The following SYNE2 variants were observed in gnomAD, a reference collection of about 807,000 sequenced individuals.
SYNE2 encodes spectrin repeat containing nuclear envelope protein 2.
Under a neutral mutation model 856.3 loss-of-function variants are expected in SYNE2, and 431 were observed. That is an observed-to-expected ratio of 0.50 (90% confidence interval 0.47 to 0.55). SYNE2 has a LOEUF of 0.55. SYNE2 is among the 20% of genes least tolerant of loss of function. SYNE2 has a pLI of 0.00. For synonymous variants in SYNE2, 2,923 were observed against 2,872.3 expected, an observed-to-expected ratio of 1.02 and a Z score of -0.56; for missense variants, 8,129 against 8,023.2, an observed-to-expected ratio of 1.01 and a Z score of -0.50.
chr14:63,860,779 C>T (rs1303933428), intron 1 of SYNE2, among the ~76,000 whole-genome samples: 1 of 152,140 alleles, frequency 6.6e-6, no homozygotes, highest in Non-Finnish European at 1.5e-5. Context: ...GGCTCTGACA[C>T]ACAGGTAAAA....
intron 35 of SYNE2, among the ~76,000 whole-genome samples, chr14:64,020,727 A>C (rs1403834400): frequency 1.3e-5 from 2 of 152,208 alleles, no homozygotes; most frequent in African/African-American, 2.4e-5. Context: ...ATGGAGAAAG[A>C]GAGAGATTGC....
At chr14:63,863,576 T>C (rs1894325842) in intron 1 of SYNE2, among the ~76,000 whole-genome samples, 1 of 152,156 alleles carries the variant, frequency 6.6e-6, no homozygotes, top group African/African-American at 2.4e-5. Context: ...TTCAAGACTG[T>C]CTCCCATGCC....
intron 33 of SYNE2, 63 bp downstream of exon 33, chr14:64,016,694 G>T (rs1229850084): frequency 9.0e-6 from 10 of 1,116,826 alleles, no homozygotes; most frequent in Non-Finnish European, 1.2e-5. Context: ...TGTATCTTTA[G>T]TATTTTTATT....
intron 1 of SYNE2, among the ~76,000 whole-genome samples, chr14:63,771,632 C>T (rs1173318670): frequency 1.3e-5 from 2 of 152,124 alleles, no homozygotes; most frequent in Non-Finnish European, 1.5e-5. Context: ...GGCATGGTGG[C>T]TTACGCCTGT....
At position 64,120,977 on chromosome 14, in the gene SYNE2, C is replaced by A. The variant is rs1567360637; in HGVS notation, c.13074C>A (p.Leu4358=). Residue 4358 remains leucine (L), a synonymous_variant, in exon 68 of 116, where the codon CTC becomes CTA. Coordinates refer to ENST00000555002, the MANE Select transcript of SYNE2 (RefSeq NM_182914.3). ...KSSEPEHQEA[L]QPVNLSELES... ...CAGAGCCAGAGCATCAAGAAGCTCT[C>A]CAACCAGTTAACCTTTCTGAATTGG... 5 of 1,614,032 alleles carry A rather than the reference C, an allele frequency of 3.1e-6. No homozygotes were observed. Among genetic ancestry groups the A allele is most frequent in the Non-Finnish European group, 3.4e-6 (4 of 1,180,016 alleles).
intron 51 of SYNE2, among the ~76,000 whole-genome samples, chr14:64,066,678 A>G (rs2097360919): frequency 6.6e-6 from 1 of 152,162 alleles, no homozygotes; most frequent in Non-Finnish European, 1.5e-5. Context: ...TGTAAATTAC[A>G]CTTTTGGTTG....
chr14:64,188,622 T>C lies in SYNE2; in HGVS notation c.17785T>C (p.Leu5929=), dbSNP rs915224487. 7 of 1,613,748 alleles carry C rather than the reference T, an allele frequency of 4.3e-6. No homozygotes were observed. In the South Asian group the frequency reaches 6.6e-5, roughly 15 times the overall value. ...TGTATTCAATGAAAAAAATAAAGAG[T>C]TGTGTGCCTGGCTGGTGCAGATGGA... The part of the protein sequence containing the change: ...WVVFNEKNKE[L]CAWLVQMENK... Residue 5929 remains leucine, a synonymous_variant, in exon 98 of 116, where the codon TTG becomes CTG. Transcript: ENST00000555002.
At chr14:64,175,257 A>G in intron 95 of SYNE2, 119 bp downstream of exon 95, 1 of 1,147,506 alleles carries the variant, frequency 8.7e-7, no homozygotes, top group Non-Finnish European at 1.3e-6. Context: ...TTCCAACTCA[A>G]GCTGTAATCT....
intron 65 of SYNE2, 38 bp downstream of exon 65, chr14:64,107,645 G>A: frequency 6.7e-7 from 1 of 1,488,982 alleles, no homozygotes; most frequent in East Asian, 2.3e-5. Context: ...TGCTCAGATA[G>A]CTGGACTAGC....
chr14:64,125,205 A>G lies in SYNE2; in HGVS notation c.13549A>G (p.Thr4517Ala), dbSNP rs980737727. 5 of 1,614,184 alleles carry G rather than the reference A, an allele frequency of 3.1e-6. No homozygotes were observed. The highest frequency in any genetic ancestry group is 4.2e-6 in the Non-Finnish European group (5 of 1,180,014). ...GCGCCAAGAAGCAAGTAACCTTCAG[A>G]CACAGGTAGAAGCTGCACACAATGT... ...DLRQEASNLQ[T>A]QENMTEEAYI... is the part of the protein sequence containing the mutation. Residue 4517 changes from threonine to alanine, a missense_variant, in exon 71 of 116, where the codon ACA (threonine) becomes GCA (alanine). Transcript: ENST00000555002.
chr14:64,049,847 C>T lies in SYNE2; in HGVS notation c.7614C>T (p.Ala2538=), dbSNP rs1377164548. Residue 2538 remains alanine (A), a synonymous_variant, in exon 47 of 116, where the codon GCC becomes GCT. Transcript: ENST00000555002. ...CTGCAGTTGAATCTTCAATGAAAGCCTTGTTGACAGACAAGGAAAGTCTTA... is the reference window on the plus strand; with the variant it reads ...CTGCAGTTGAATCTTCAATGAAAGCTTTGTTGACAGACAAGGAAAGTCTTA... ...YLAAVESSMK[A]LLTDKESLKV... The T allele has an allele frequency of 1.9e-6, 3 of 1,613,916 alleles. No individual in the cohort carries two copies. In the African/African-American group the frequency reaches 4.0e-5, roughly 22 times the overall value.
At chr14:64,073,105 T>G (rs2097425489) in intron 52 of SYNE2, among the ~76,000 whole-genome samples, 1 of 152,136 alleles carries the variant, frequency 6.6e-6, no homozygotes, top group Non-Finnish European at 1.5e-5. Context: ...GACTTCATTA[T>G]GTAGTCATGA....
At position 63,806,507 on chromosome 14, in the gene SYNE2, CCCT is replaced by C. The variant is rs371655479; in HGVS notation, c.-305+44529_-305+44531del. On this transcript the variant is annotated intron_variant, in intron 1 of 23. Transcript: ENST00000674003. ...CTCAAAGAATGAGTTAGAGAGGAGTCCCTCCTCCTCTCTTTTTTGGGATAGTTT... is the reference window on the plus strand; with the variant it reads ...CTCAAAGAATGAGTTAGAGAGGAGTCCCTCCTCTCTTTTTTGGGATAGTTT... 6.8e-4 allele frequency among the ~76,000 whole-genome samples: 103 copies of C among 152,144 alleles called. 1 individual carries two copies. In the South Asian group the frequency reaches 0.016, roughly 23 times the overall value.
Position 64,126,738 on chromosome 14 carries a change from C to G in SYNE2, c.13848C>G (p.His4616Gln). The change falls in exon 73 of 116, where the codon CAC becomes CAG. Residue 4616 changes from histidine (H) to glutamine (Q), a missense_variant. Around this residue, in one of 3 missense-constraint regions of SYNE2, gnomAD observed 5,410 missense variants for 5,284.8 expected, o/e 1.02. Transcript: ENST00000555002. ...CFDNLQVCLE[H>Q]TQAAAVCRSK... ...ACAACCTTCAAGTCTGCCTGGAGCA[C>G]ACTCAGGCTGCAGCTGTCTGTAGAA... 2 of 1,614,208 alleles carry G rather than the reference C, an allele frequency of 1.2e-6. No individual in the cohort carries two copies. The highest frequency in any genetic ancestry group is 1.7e-6 in the Non-Finnish European group (2 of 1,180,044).
intron 1 of SYNE2, among the ~76,000 whole-genome samples, chr14:63,823,148 G>T (rs1889287730): frequency 1.3e-5 from 2 of 151,338 alleles, no homozygotes; most frequent in African/African-American, 4.8e-5. Flanking sequence ...GAAAATCCAG[G>T]CCCACTTGAC....
chr14:64,116,198 A>T, intron 66 of SYNE2, among the ~76,000 whole-genome samples: 1 of 87,578 alleles, frequency 1.1e-5, no homozygotes, highest in African/African-American at 4.4e-5. Flanking sequence ...GAAAGAAGGG[A>T]GGGAGGGAGG....
At chr14:64,100,555 T>TATATATATAGATATATAGATATATAG (rs2097719381) in intron 63 of SYNE2, among the ~76,000 whole-genome samples, 1 of 122,046 alleles carries the variant, frequency 8.2e-6, no homozygotes, top group Admixed American at 9.0e-5. Flanking sequence ...TATATATATA[T>TATATATATAGATATATAGATATATAG]ATATATATAT....
At chr14:64,066,960 T>C (rs2097362876) in intron 51 of SYNE2, among the ~76,000 whole-genome samples, 1 of 152,244 alleles carries the variant, frequency 6.6e-6, no homozygotes, top group African/African-American at 2.4e-5. Flanking sequence ...GGAACCTGGC[T>C]AGGGCCCTGC....
intron 2 of SYNE2, among the ~76,000 whole-genome samples, chr14:63,938,181 G>A (rs1380721881): frequency 6.6e-6 from 1 of 152,182 alleles, no homozygotes; most frequent in Non-Finnish European, 1.5e-5. Context: ...ATAAGGCCAG[G>A]TGTGATGGCT....
Sources: gnomAD v4.1 joint callset for allele counts (sites outside exome capture counted in the v4.1 genomes callset) on GRCh38, gnomAD v4.1.1 for gene constraint, gnomAD v4.1.1 regional missense constraint, MANE v1.5 for transcripts, NCBI Gene and HGNC (gene_info 2026-07-23, HGNC 2026-07-21) for gene names.